TMTC4: variants seen among roughly 807,000 people sequenced by gnomAD.
TMTC4 encodes the protein protein O-mannosyl-transferase TMTC4.
Under a neutral mutation model 86.0 loss-of-function variants are expected in TMTC4, and 65 were observed. The observed-to-expected ratio is 0.76, with a 90% CI of 0.62 to 0.93. TMTC4 has a LOEUF of 0.93. Among genes scored for constraint, TMTC4 ranks in the 40% least tolerant of loss-of-function variants. TMTC4 has a pLI of 0.00. For missense variants in TMTC4, 866 were observed against 948.1 expected (o/e 0.91, Z 1.14); for synonymous variants, 379 against 382.5 (o/e 0.99, Z 0.11).
intron 16 of TMTC4, among the ~76,000 whole-genome samples, chr13:100,613,157 AG>A (rs1877909327): frequency 6.6e-6 from 1 of 152,202 alleles, no homozygotes; most frequent in African/African-American, 2.4e-5. Context: ...TGTTAACTAC[AG>A]TCACCCTACT....
At chr13:100,630,864 G>C (rs1331853546) in intron 12 of TMTC4, among the ~76,000 whole-genome samples, 1 of 152,162 alleles carries the variant, frequency 6.6e-6, no homozygotes, top group Non-Finnish European at 1.5e-5. Flanking sequence ...GTGGGACTCT[G>C]GAACAGGAAC....
intron 6 of TMTC4, among the ~76,000 whole-genome samples, chr13:100,647,916 CTAATTTCACCTCA>C (rs765766895): frequency 1.2e-4 from 18 of 152,294 alleles, no homozygotes; most frequent in South Asian, 2.1e-4. Flanking sequence ...AACCTTCTCC[CTAATTTCACCTCA>C]TAATTTCACC....
upstream of TMTC4, chr13:100,674,890 G>C (rs1159070106): frequency 2.0e-6 from 2 of 979,636 alleles, no homozygotes; most frequent in Non-Finnish European, 1.2e-6. Flanking sequence ...AGCTCCCCAC[G>C]CGCGCGGGCG....
chr13:100,665,513 A>G (rs1055901785), intron 3 of TMTC4, among the ~76,000 whole-genome samples: 1 of 152,196 alleles, frequency 6.6e-6, no homozygotes, highest in African/African-American at 2.4e-5. Flanking sequence ...ACCACAAATC[A>G]TGCGCCGGGC....
chr13:100,674,412 C>T, intron 1 of TMTC4: 1 of 921,030 alleles, frequency 1.1e-6, no homozygotes, highest in Non-Finnish European at 1.3e-6. Flanking sequence ...GCCGAGGGAG[C>T]GCCGGCGCGG....
chr13:100,635,088 CT>C lies in TMTC4; in HGVS notation c.1309del (p.Ser437AlafsTer8). ...VVAERVLYLP[S>X]VGYCVLLTFG... is the part of the protein sequence containing the mutation. Reference sequence around the variant, plus strand: ...AGTCAGCAGCACACAGTACCCAACGCTGGGGAGGTAGAGGACACGCTCTGCG... The same window carrying C: ...AGTCAGCAGCACACAGTACCCAACGCGGGGAGGTAGAGGACACGCTCTGCG... On this transcript the variant is annotated frameshift_variant, in exon 11 of 19. Transcript: ENST00000342624. LOFTEE classifies it high-confidence loss of function. 1.2e-6 allele frequency: 2 copies of C among 1,614,122 alleles called. No individual in the cohort carries two copies. The highest frequency in any genetic ancestry group is 1.7e-6 in the Non-Finnish European group (2 of 1,180,022).
chr13:100,674,603 T>G lies in TMTC4; in HGVS notation c.-208+141A>C, dbSNP rs532469490. ...CCGCAGCTCAGGTCCCGGAACCAACTCCTCCAGCAGCGCCGCTCTGGCCCG... is the reference window on the plus strand; with the variant it reads ...CCGCAGCTCAGGTCCCGGAACCAACGCCTCCAGCAGCGCCGCTCTGGCCCG... On this transcript the variant is annotated intron_variant, in intron 1 of 18. Transcript: ENST00000342624. 1,155 of 980,796 alleles carry G rather than the reference T, an allele frequency of 1.2e-3. 17 individuals are homozygous for G. In the African/African-American group the frequency reaches 0.019, roughly 17 times the overall value. The allele number at this position is 980,796 out of a possible 1,614,324, so 60.8% of individuals were successfully genotyped here.
chr13:100,675,019 G>A, upstream of TMTC4: 1 of 985,568 alleles, frequency 1.0e-6, no homozygotes, highest in East Asian at 1.1e-4. Context: ...GGTGACGTCA[G>A]GCCAGGGGGC....
At position 100,605,279 on chromosome 13, in the gene TMTC4, G is replaced by T; in HGVS notation, c.2135-137C>A. 9.6e-7 allele frequency: 1 copy of T among 1,043,742 alleles called. No individual in the cohort carries two copies. Among genetic ancestry groups the T allele is most frequent in the Non-Finnish European group, 1.4e-6 (1 of 733,446 alleles). 64.7% of individuals were successfully genotyped at this position (1,043,742 alleles called of 1,614,324 possible). ...TCAATTGTATGAAACAATATTGTTT[G>T]TACTGAAAACTCTATTTATTGTAAT... On this transcript the variant is annotated intron_variant, in intron 18 of 18. Coordinates refer to ENST00000342624, the MANE Select transcript of TMTC4 (RefSeq NM_032813.5). This position sits in a 1 kb window ranked among gnomAD's most constrained non-coding sequence, Gnocchi z 4.3.
At chr13:100,653,265 G>T (rs1001235062) in intron 6 of TMTC4, among the ~76,000 whole-genome samples, 1 of 152,190 alleles carries the variant, frequency 6.6e-6, no homozygotes, top group Non-Finnish European at 1.5e-5. Context: ...AAACAGAAAA[G>T]TCGCTAAGAA....
rs923304372 is a variant in TMTC4 at position 100,660,103 on chromosome 13, G to C, written c.552+2861C>G. On this transcript the variant is annotated intron_variant, in intron 5 of 18. Coordinates refer to ENST00000342624, the MANE Select transcript of TMTC4 (RefSeq NM_032813.5). ...CCCAGCACTTTGGGAGGCTGAGGCA[G>C]GTGGATCACTTGGGGCCAAGAGTTC... 4.0e-5 allele frequency among the ~76,000 whole-genome samples: 6 copies of C among 151,786 alleles called. 1 individual carries two copies. Among genetic ancestry groups the C allele is most frequent in the Admixed American group, 1.3e-4 (2 of 15,226 alleles).
intron 5 of TMTC4, among the ~76,000 whole-genome samples, chr13:100,659,991 G>C (rs1325939021): frequency 6.7e-6 from 1 of 150,354 alleles, no homozygotes; most frequent in African/African-American, 2.5e-5. Flanking sequence ...AAATGCTGGA[G>C]AGTGGTAAAG....
At chr13:100,639,720 A>C (rs1176781471) in intron 7 of TMTC4, among the ~76,000 whole-genome samples, 2 of 152,040 alleles carry the variant, frequency 1.3e-5, no homozygotes, top group Admixed American at 1.3e-4. Context: ...TGGGTGGATC[A>C]CCTGAGGTCA....
rs567285819 is a variant in TMTC4 at position 100,605,625 on chromosome 13, A to AC, written c.2135-484dup. Among the ~76,000 whole-genome samples the AC allele has an allele frequency of 3.7e-4, 56 of 152,254 alleles. No individual in the cohort carries two copies. The East Asian group carries it at 0.01, about 28-fold the overall frequency. On this transcript the variant is annotated intron_variant, in intron 18 of 18. Coordinates refer to ENST00000342624, the MANE Select transcript of TMTC4 (RefSeq NM_032813.5). This position sits in a 1 kb window ranked among gnomAD's most constrained non-coding sequence, Gnocchi z 4.3. ...AAAAGGCCTCTGATATCAAGAGCTG[A>AC]CCCTAAAATGATAGTTACAGTAAAC...
At chr13:100,611,919 C>T (rs1182139589) in intron 17 of TMTC4, among the ~76,000 whole-genome samples, 3 of 152,216 alleles carry the variant, frequency 2.0e-5, no homozygotes, top group Admixed American at 6.5e-5. Context: ...AGTCATGCAT[C>T]CTCCATGGGC....
intron 7 of TMTC4, among the ~76,000 whole-genome samples, chr13:100,638,978 C>T (rs17475612): frequency 0.01 from 1,588 of 152,306 alleles, 16 homozygotes; most frequent in Non-Finnish European, 0.017. Flanking sequence ...TAGTTACAGG[C>T]GAAAGGAGAG....
At chr13:100,625,503 C>T in intron 15 of TMTC4, 32 bp downstream of exon 15, 5 of 1,611,080 alleles carry the variant, frequency 3.1e-6, no homozygotes, top group Admixed American at 1.7e-5. Flanking sequence ...ACCCATCTTT[C>T]CTTCCACAGG....
rs145235242 is a variant in TMTC4 at position 100,668,033 on chromosome 13, C to T, written c.219+546G>A. On this transcript the variant is annotated intron_variant, in intron 3 of 18. Transcript: ENST00000342624. ...TTCAGCAACACCGAATCTCCAAACA[C>T]GAAACAAGCAGGAACTGCAGCGCCC... 2.2e-4 allele frequency among the ~76,000 whole-genome samples: 34 copies of T among 152,266 alleles called. No individual in the cohort carries two copies. The East Asian group carries it at 2.5e-3, about 11-fold the overall frequency.
chr13:100,641,230 T>C (rs942404282), intron 7 of TMTC4, among the ~76,000 whole-genome samples: 1 of 152,230 alleles, frequency 6.6e-6, no homozygotes, highest in African/African-American at 2.4e-5. Flanking sequence ...AAAGTCCCAC[T>C]AGAAACATTA....
Sources: gnomAD v4.1 joint callset for allele counts (sites outside exome capture counted in the v4.1 genomes callset) on GRCh38, gnomAD v4.1.1 for gene constraint, Gnocchi (gnomAD v3.1) non-coding constraint, MANE v1.5 for transcripts, NCBI Gene and HGNC (gene_info 2026-07-23, HGNC 2026-07-21) for gene names.